PLPBP: variants seen among roughly 807,000 people sequenced by gnomAD.
PLPBP encodes the protein pyridoxal phosphate homeostasis protein.
In PLPBP, 21 loss-of-function variants were observed where a neutral mutation model predicts 31.2. The observed-to-expected ratio is 0.67, with a 90% confidence interval of 0.48 to 0.97. PLPBP has a LOEUF of 0.97. Ranked by LOEUF, PLPBP falls within the 50% of genes least tolerant of loss-of-function variation. The pLI is 0.00. For missense variants in PLPBP, 308 were observed against 354.4 expected (o/e 0.87, Z 1.05); for synonymous variants, 124 against 135.6 (o/e 0.91, Z 0.59).
intron 7 of PLPBP, 106 bp downstream of exon 7, chr8:37,776,122 G>A: frequency 2.8e-6 from 3 of 1,053,208 alleles, no homozygotes; most frequent in Non-Finnish European, 2.9e-6. Context: ...GAAATGCCTT[G>A]GGATGGCAGT....
At chr8:37,765,812 C>T (rs868696721) in intron 3 of PLPBP, 66 bp downstream of exon 3, 2 of 1,557,202 alleles carry the variant, frequency 1.3e-6, no homozygotes, top group African/African-American at 2.8e-5. Flanking sequence ...AAATTAGACC[C>T]ATCCTGGTGG....
intron 1 of PLPBP, among the ~76,000 whole-genome samples, chr8:37,764,068 TTTC>T (rs1220174167): frequency 6.8e-6 from 1 of 147,172 alleles, no homozygotes; most frequent in Non-Finnish European, 1.5e-5. Flanking sequence ...GGTTCTTTTC[TTTC>T]TTTTTTTTTT....
At chr8:37,776,249 G>A (rs1259153568) in intron 7 of PLPBP, among the ~76,000 whole-genome samples, 4 of 151,896 alleles carry the variant, frequency 2.6e-5, no homozygotes, top group Middle Eastern at 3.4e-3. Context: ...AGGCCGAGCC[G>A]GGCAGATCAC....
intron 5 of PLPBP, among the ~76,000 whole-genome samples, chr8:37,774,103 C>G (rs192701530): frequency 6.6e-6 from 1 of 151,836 alleles, no homozygotes. Context: ...CCCAGCTGCT[C>G]GGGATGCTGA....
rs1803997673 is a variant in PLPBP, at chr8:37,779,135, A to T, written c.*1031A>T. 5 of 152,122 alleles carry T rather than the reference A, an allele frequency of 3.3e-5. No homozygotes were observed. Among genetic ancestry groups the T allele is most frequent in the Admixed American group, 3.3e-4 (5 of 15,264 alleles). The allele number at this position is 152,122 out of a possible 1,614,324, so 9.4% of individuals were successfully genotyped here. On this transcript the variant is annotated 3_prime_UTR_variant, in exon 8 of 8. Coordinates refer to ENST00000328195, the MANE Select transcript of PLPBP (RefSeq NM_007198.4). ...TATCCCTGAAATTAAAGGATAACAT[A>T]AGGAGGACTTGGGCCTTTCTGACAT...
chr8:37,765,443 C>T, intron 1 of PLPBP, 83 bp from the exon 2 acceptor site: 1 of 1,301,102 alleles, frequency 7.7e-7, no homozygotes, highest in Non-Finnish European at 1.1e-6. Context: ...CAATGCCTGT[C>T]TATCCTACAG....
chr8:37,770,135 C>A (rs1305439618), intron 4 of PLPBP, among the ~76,000 whole-genome samples: 1 of 152,124 alleles, frequency 6.6e-6, no homozygotes, highest in Non-Finnish European at 1.5e-5. Flanking sequence ...AATAGAAAAA[C>A]ACAGTCCTGA....
At chr8:37,764,742 C>T (rs1414518707) in intron 1 of PLPBP, among the ~76,000 whole-genome samples, 2 of 152,212 alleles carry the variant, frequency 1.3e-5, no homozygotes, top group Admixed American at 6.5e-5. Context: ...GAATGAGTCG[C>T]CAAACTGCTA....
chr8:37,766,210 G>GCA (rs1803623362), intron 3 of PLPBP, 70 bp from the exon 4 acceptor site: 7 of 1,132,140 alleles, frequency 6.2e-6, no homozygotes, highest in Non-Finnish European at 9.1e-6. Context: ...GACAGGGAGT[G>GCA]CACGAGGCGT....
intron 1 of PLPBP, among the ~76,000 whole-genome samples, chr8:37,763,363 G>C (rs1013910995): frequency 1.3e-5 from 2 of 152,200 alleles, no homozygotes; most frequent in Non-Finnish European, 2.9e-5. Context: ...ATTAGACCAA[G>C]AATCAAAATC....
intron 4 of PLPBP, 25 bp downstream of exon 4, chr8:37,766,380 C>T (rs1205784435): frequency 1.3e-6 from 2 of 1,582,598 alleles, no homozygotes; most frequent in Non-Finnish European, 1.7e-6. Context: ...AATATGAAAA[C>T]AAAATTGTTC....
rs2129812133 is a variant in PLPBP, at chr8:37,776,031, A to G, written c.696+15A>G. 1 of 1,607,820 alleles carries G rather than the reference A, an allele frequency of 6.2e-7. No individual in the cohort carries two copies. On this transcript the variant is annotated intron_variant, in intron 7 of 7. Transcript: ENST00000328195. ...TCCAGCATGCGGTGAGTGTCCTGCC[A>G]GTGCCCTGTCTGCCTCGAGGGGTGG...
At chr8:37,777,312 G>C (rs1285001792) in intron 7 of PLPBP, among the ~76,000 whole-genome samples, 1 of 152,146 alleles carries the variant, frequency 6.6e-6, no homozygotes, top group African/African-American at 2.4e-5. Flanking sequence ...ATAATTATAA[G>C]GATATTTTTT....
chr8:37,765,272 TGA>T (rs1419814796), intron 1 of PLPBP, among the ~76,000 whole-genome samples: 4 of 152,250 alleles, frequency 2.6e-5, no homozygotes, highest in Non-Finnish European at 4.4e-5. Flanking sequence ...CCGGCTCTCC[TGA>T]GAGAGACATT....
At chr8:37,769,350 TTAA>T (rs1585934181) in intron 4 of PLPBP, among the ~76,000 whole-genome samples, 1 of 150,924 alleles carries the variant, frequency 6.6e-6, no homozygotes, top group South Asian at 2.1e-4. Flanking sequence ...AATAATAATA[TTAA>T]TAATAATAAA....
intron 5 of PLPBP, among the ~76,000 whole-genome samples, chr8:37,773,194 G>A (rs1355328161): frequency 6.6e-6 from 1 of 151,888 alleles, no homozygotes; most frequent in Non-Finnish European, 1.5e-5. Flanking sequence ...TTGAGATGGA[G>A]TCTTGCTATG....
intron 1 of PLPBP, among the ~76,000 whole-genome samples, chr8:37,764,987 A>G (rs1458506621): frequency 6.6e-6 from 1 of 152,166 alleles, no homozygotes; most frequent in Admixed American, 6.5e-5. Context: ...CCTGACCAAC[A>G]TGGGGAAACC....
Position 37,775,382 on chromosome 8 carries a change from G to A in PLPBP, c.498G>A (p.Glu166=). The A allele has an allele frequency of 1.2e-6, 2 of 1,614,218 alleles. No homozygotes were observed. The highest frequency in any genetic ancestry group is 2.2e-5 in the East Asian group (1 of 44,890). The change falls in exon 6 of 8, where the codon GAG becomes GAA. Residue 166 remains glutamate (E), a synonymous_variant. Transcript: ENST00000328195. The part of the protein sequence containing the change: ...LPPSETIAIV[E]HINAKCPNLE... Reference sequence around the variant, plus strand: ...CTTCAGAGACCATAGCCATCGTGGAGCACATAAACGCCAAGTGTCCTAACC... The same window carrying A: ...CTTCAGAGACCATAGCCATCGTGGAACACATAAACGCCAAGTGTCCTAACC...
Position 37,765,543 on chromosome 8 carries a change from G to T in PLPBP, c.117G>T (p.Gln39His). ...ARRPRDLPAI[Q>H]PRLVAVSKTK... ...CTTGGCAGGATCTCCCAGCCATCCAGCCCCGGCTAGTGGCGGTCAGCAAAA... is the reference window on the plus strand; with the variant it reads ...CTTGGCAGGATCTCCCAGCCATCCATCCCCGGCTAGTGGCGGTCAGCAAAA... The change falls in exon 2 of 8, where the codon CAG becomes CAT. Residue 39 changes from glutamine (Q) to histidine (H), a missense_variant. Gln to His is a conservative substitution (Grantham distance 24). Coordinates refer to ENST00000328195, the MANE Select transcript of PLPBP (RefSeq NM_007198.4). The T allele has an allele frequency of 1.2e-6, 2 of 1,613,962 alleles. No individual in the cohort carries two copies. The highest frequency in any genetic ancestry group is 8.5e-7 in the Non-Finnish European group (1 of 1,179,942).
Sources: gnomAD v4.1 joint callset for allele counts (sites outside exome capture counted in the v4.1 genomes callset) on GRCh38, gnomAD v4.1.1 for gene constraint, MANE v1.5 for transcripts, NCBI Gene and HGNC (gene_info 2026-07-23, HGNC 2026-07-21) for gene names.